Variants in CCSER1 observed in about 807,000 individuals in gnomAD.
The protein encoded by CCSER1 is serine-rich coiled-coil domain-containing protein 1.
A neutral mutation model predicts 82.0 loss-of-function variants in CCSER1; 41 were observed. The observed-to-expected ratio is 0.50, with a 90% CI of 0.39 to 0.65. The LOEUF is 0.65. Among genes scored for constraint, CCSER1 ranks in the 30% least tolerant of loss-of-function variants. CCSER1 has a pLI of 0.00. For synonymous variants in CCSER1, 414 were observed against 383.9 expected (o/e 1.08, Z -0.92); for missense variants, 1,119 against 1,064.2 (o/e 1.05, Z -0.72).
At chr4:90,423,887 G>A (rs28503520) in intron 4 of CCSER1, among the ~76,000 whole-genome samples, 2,310 of 151,654 alleles carry the variant, frequency 0.015, 23 homozygotes, top group African/African-American at 0.03. Flanking sequence ...GCGGATCACC[G>A]GGTCAGGAGA....
At chr4:91,459,606 C>T (rs1756387635) in intron 10 of CCSER1, among the ~76,000 whole-genome samples, 1 of 152,050 alleles carries the variant, frequency 6.6e-6, no homozygotes, top group Admixed American at 6.6e-5. Context: ...ATTTGATTGG[C>T]TGCCAGGCTC....
chr4:90,566,282 G>T (rs529189894), intron 5 of CCSER1, among the ~76,000 whole-genome samples: 27 of 152,002 alleles, frequency 1.8e-4, no homozygotes, highest in African/African-American at 6.5e-4. Context: ...CCTGGCTTTG[G>T]TATTAGAGTG....
chr4:90,621,068 C>G lies in CCSER1; in HGVS notation c.1725-6957C>G, dbSNP rs570784069. ...GTCTGACCTCAAGTGATCTGCCCAC[C>G]TCGGCCTCCGAAACTGTCAAGAGTA... is the stretch of plus-strand genomic sequence containing the variant. On this transcript the variant is annotated intron_variant, in intron 5 of 10. Transcript: ENST00000509176. Among the ~76,000 whole-genome samples, 52 of 152,294 alleles carry G rather than the reference C, an allele frequency of 3.4e-4. 1 individual carries two copies. The South Asian group carries it at 1.0e-2, about 29-fold the overall frequency.
chr4:90,930,598 GA>G (rs1343301435), intron 9 of CCSER1, among the ~76,000 whole-genome samples: 4 of 151,486 alleles, frequency 2.6e-5, no homozygotes, highest in Non-Finnish European at 4.4e-5. Flanking sequence ...GGGAGACAGA[GA>G]GAGACTCTGT....
At chr4:90,311,373 T>C (rs1735253540) in intron 2 of CCSER1, among the ~76,000 whole-genome samples, 1 of 151,656 alleles carries the variant, frequency 6.6e-6, no homozygotes, top group Non-Finnish European at 1.5e-5. Flanking sequence ...TATTACTATG[T>C]TGATTGGGAT....
chr4:90,130,858 A>G (rs1386550598), intron 1 of CCSER1, among the ~76,000 whole-genome samples: 1 of 152,032 alleles, frequency 6.6e-6, no homozygotes, highest in Non-Finnish European at 1.5e-5. Context: ...TCCTGACCTC[A>G]TGATCAACCC....
intron 6 of CCSER1, among the ~76,000 whole-genome samples, chr4:90,647,035 C>T (rs1338922042): frequency 6.6e-6 from 1 of 152,140 alleles, no homozygotes; most frequent in Non-Finnish European, 1.5e-5. Flanking sequence ...CTTCAGATTG[C>T]CATGTTCTTT....
chr4:90,136,833 CCATG>C (rs1413300621), intron 1 of CCSER1, among the ~76,000 whole-genome samples: 1 of 151,974 alleles, frequency 6.6e-6, no homozygotes, highest in Admixed American at 6.6e-5. Flanking sequence ...AGTGAGAAAA[CCATG>C]CATATATCCC....
At chr4:90,885,474 A>G (rs1721986486) in intron 8 of CCSER1, among the ~76,000 whole-genome samples, 1 of 152,238 alleles carries the variant, frequency 6.6e-6, no homozygotes, top group African/African-American at 2.4e-5. Context: ...TCTGTGAGTT[A>G]GAAATTCTTT....
In CCSER1 at chr4:91,012,842, G is replaced by A. The variant is rs1025758463; in HGVS notation, c.2173-73108G>A. ...ACCTTAGTGCCTGAAAGGACTGCAG[G>A]GGTCCCCAGTGGTTAGGACTGTAGG... is the stretch of plus-strand genomic sequence containing the variant. On this transcript the variant is annotated intron_variant, in intron 9 of 10. Transcript: ENST00000509176. Among the ~76,000 whole-genome samples the A allele has an allele frequency of 3.7e-5, 5 of 133,568 alleles. 1 individual carries two copies. The highest frequency in any genetic ancestry group is 7.0e-5 in the Non-Finnish European group (4 of 57,398). The allele number at this position is 133,568 out of a possible 152,430, so 87.6% of individuals were successfully genotyped here.
rs183567097 is a variant in CCSER1 at position 91,381,284 on chromosome 4, A to G, written c.2218-217288A>G. On this transcript the variant is annotated intron_variant, in intron 10 of 10. Transcript: ENST00000509176. ...CATTCTCTGGGTTTCCTGAATCTGA[A>G]TGTTGGCCTGCCTTGCTAGATTGGG... Among the ~76,000 whole-genome samples the G allele has an allele frequency of 3.0e-4, 45 of 152,132 alleles. 1 individual carries two copies. The highest frequency in any genetic ancestry group is 8.5e-4 in the Admixed American group (13 of 15,278).
chr4:90,357,026 G>A (rs1744478159), intron 3 of CCSER1, among the ~76,000 whole-genome samples: 1 of 151,740 alleles, frequency 6.6e-6, no homozygotes, highest in Admixed American at 6.6e-5. Flanking sequence ...ACTTTTTGCG[G>A]GTCTGGTAAA....
chr4:90,741,804 C>T (rs1386693674), intron 7 of CCSER1, among the ~76,000 whole-genome samples: 1 of 152,062 alleles, frequency 6.6e-6, no homozygotes, highest in African/African-American at 2.4e-5. Flanking sequence ...TTGAGATAGA[C>T]CGTGAATATG....
At chr4:90,781,265 A>G in intron 7 of CCSER1, 3 of 984,958 alleles carry the variant, frequency 3.0e-6, no homozygotes, top group Middle Eastern at 5.2e-4. Context: ...AGTATGCACC[A>G]TAACACTTTT....
chr4:90,385,402 G>GT (rs1480799331), intron 3 of CCSER1, among the ~76,000 whole-genome samples: 36 of 137,392 alleles, frequency 2.6e-4, no homozygotes, highest in African/African-American at 9.8e-4. Context: ...AAAGTCTAAT[G>GT]TTTTTTGACT....
chr4:90,383,745 T>C (rs1749576461), intron 3 of CCSER1, among the ~76,000 whole-genome samples: 1 of 152,026 alleles, frequency 6.6e-6, no homozygotes, highest in Admixed American at 6.6e-5. Flanking sequence ...TTTTTTTCTT[T>C]TTTAAATACA....
intron 8 of CCSER1, among the ~76,000 whole-genome samples, chr4:90,869,196 T>C (rs1300881385): frequency 2.6e-5 from 4 of 152,046 alleles, no homozygotes; most frequent in Admixed American, 6.6e-5. Context: ...AGAAGCTTTT[T>C]AGCATGATGC....
intron 6 of CCSER1, among the ~76,000 whole-genome samples, chr4:90,713,719 A>G (rs999120253): frequency 1.3e-5 from 2 of 151,872 alleles, no homozygotes; most frequent in East Asian, 3.9e-4. Context: ...GTTCTTCTGG[A>G]TGATATCCTG....
intron 9 of CCSER1, among the ~76,000 whole-genome samples, chr4:90,974,744 G>A (rs1225598154): frequency 1.3e-5 from 2 of 151,294 alleles, no homozygotes; most frequent in Non-Finnish European, 3.0e-5. Context: ...GGTATGTGGA[G>A]AAATCCCTCC....
Sources: gnomAD v4.1 joint callset for allele counts (sites outside exome capture counted in the v4.1 genomes callset) on GRCh38, gnomAD v4.1.1 for gene constraint, MANE v1.5 for transcripts, NCBI Gene and HGNC (gene_info 2026-07-23, HGNC 2026-07-21) for gene names.